The following CBLB variants were observed in gnomAD, a reference collection of about 807,000 sequenced individuals.
CBLB encodes Cbl proto-oncogene B, also known as E3 ubiquitin-protein ligase CBL-B.
Under a neutral mutation model 104.9 loss-of-function variants are expected in CBLB, and 31 were observed. That is an observed-to-expected ratio of 0.30 (90% confidence interval 0.22 to 0.40). The LOEUF is 0.40. CBLB is among the 10% of genes least tolerant of loss of function. CBLB has a pLI of 1.00. For synonymous variants in CBLB, 440 were observed against 422.6 expected (o/e 1.04, Z -0.51); for missense variants, 1,062 against 1,214.6 (o/e 0.87, Z 1.87).
intron 9 of CBLB, among the ~76,000 whole-genome samples, chr3:105,722,177 T>A (rs1291491141): frequency 1.7e-5 from 2 of 118,168 alleles, no homozygotes; most frequent in African/African-American, 3.4e-5. Context: ...TCAGCCTAGG[T>A]GTAAGGGTAA....
At chr3:105,670,562 G>C in intron 17 of CBLB, 1 of 537,472 alleles carries the variant, frequency 1.9e-6, no homozygotes, top group Non-Finnish European at 3.3e-6. Flanking sequence ...TTTATTTCCA[G>C]ATAATAAAGA....
At chr3:105,739,033 G>T in intron 7 of CBLB, among the ~76,000 whole-genome samples, 1 of 152,036 alleles carries the variant, frequency 6.6e-6, no homozygotes, top group East Asian at 1.9e-4. Flanking sequence ...TTAGCCTCCA[G>T]AGTAGCGAGG....
chr3:105,810,943 T>C (rs2084209922), intron 3 of CBLB, among the ~76,000 whole-genome samples: 1 of 152,140 alleles, frequency 6.6e-6, no homozygotes, highest in Non-Finnish European at 1.5e-5. Context: ...TTATAATATG[T>C]ACAGTATAGA....
chr3:105,724,377 G>A (rs1404818971), intron 9 of CBLB, among the ~76,000 whole-genome samples: 1 of 152,088 alleles, frequency 6.6e-6, no homozygotes, highest in Non-Finnish European at 1.5e-5. Flanking sequence ...ATCAGAAAAG[G>A]AGCACAGACA....
chr3:105,801,525 A>AG (rs2082863249), intron 3 of CBLB, among the ~76,000 whole-genome samples: 1 of 152,214 alleles, frequency 6.6e-6, no homozygotes, highest in African/African-American at 2.4e-5. Flanking sequence ...AGGTCTGAAC[A>AG]ATTTTTTCAT....
intron 4 of CBLB, among the ~76,000 whole-genome samples, chr3:105,760,731 C>T (rs2077538990): frequency 6.6e-6 from 1 of 151,732 alleles, no homozygotes; most frequent in African/African-American, 2.4e-5. Flanking sequence ...TAAACTGAGG[C>T]AAAAAATAAA....
chr3:105,843,056 T>C (rs893832062), intron 3 of CBLB, among the ~76,000 whole-genome samples: 1 of 152,214 alleles, frequency 6.6e-6, no homozygotes, highest in African/African-American at 2.4e-5. Context: ...AATACAGCCA[T>C]GTCAATTAAT....
Position 105,802,500 on chromosome 3 carries a change from G to C in CBLB, c.420-25958C>G, listed in dbSNP as rs567195225. On this transcript the variant is annotated intron_variant, in intron 3 of 18. Transcript: ENST00000394030. ...TTGCATGGGTGCCAAAGATCAGACT[G>C]GAAGTCCCATACACTAATGTTCACA... 7.4e-4 allele frequency among the ~76,000 whole-genome samples: 113 copies of C among 152,332 alleles called. 1 individual carries two copies. The highest frequency in any genetic ancestry group is 2.6e-3 in the African/African-American group (108 of 41,570).
chr3:105,739,475 G>T (rs2075302698), intron 7 of CBLB, among the ~76,000 whole-genome samples: 2 of 152,100 alleles, frequency 1.3e-5, no homozygotes, highest in Admixed American at 1.3e-4. Flanking sequence ...AGAATACAAG[G>T]AGAGGACAAA....
At chr3:105,759,447 C>A (rs1428178066) in intron 4 of CBLB, among the ~76,000 whole-genome samples, 1 of 152,220 alleles carries the variant, frequency 6.6e-6, no homozygotes, top group African/African-American at 2.4e-5. Flanking sequence ...GCCTGTCTGC[C>A]TCCTGCTGCC....
intron 3 of CBLB, among the ~76,000 whole-genome samples, chr3:105,786,066 G>C (rs995806390): frequency 6.9e-6 from 1 of 145,662 alleles, no homozygotes; most frequent in Admixed American, 6.9e-5. Flanking sequence ...AGGATCGGGG[G>C]GGGGAAAGTG....
chr3:105,821,123 G>A (rs2153057349), intron 3 of CBLB, among the ~76,000 whole-genome samples: 1 of 152,136 alleles, frequency 6.6e-6, no homozygotes, highest in Non-Finnish European at 1.5e-5. Context: ...AAATTTATAG[G>A]ATGAAGAAAA....
intron 3 of CBLB, among the ~76,000 whole-genome samples, chr3:105,835,589 C>A (rs1376762781): frequency 6.6e-6 from 1 of 152,176 alleles, no homozygotes; most frequent in Admixed American, 6.5e-5. Context: ...AAAAATACAA[C>A]CTACTAGCTC....
At chr3:105,832,205 G>A (rs1425128330) in intron 3 of CBLB, among the ~76,000 whole-genome samples, 2 of 152,010 alleles carry the variant, frequency 1.3e-5, no homozygotes, top group African/African-American at 4.8e-5. Context: ...ATACAACTAA[G>A]AAACTACCCC....
At chr3:105,768,473 T>C (rs1181838656) in intron 4 of CBLB, among the ~76,000 whole-genome samples, 2 of 152,212 alleles carry the variant, frequency 1.3e-5, no homozygotes, top group Admixed American at 6.5e-5. Flanking sequence ...CCTATACTCA[T>C]ACATTCAACT....
At chr3:105,858,487 T>G (rs905274414) in intron 2 of CBLB, among the ~76,000 whole-genome samples, 1 of 152,226 alleles carries the variant, frequency 6.6e-6, no homozygotes, top group Non-Finnish European at 1.5e-5. Context: ...ATACCTAAAT[T>G]GCTTCCTAGA....
At chr3:105,848,638 T>C (rs996286364) in intron 3 of CBLB, among the ~76,000 whole-genome samples, 5 of 152,104 alleles carry the variant, frequency 3.3e-5, no homozygotes, top group Non-Finnish European at 7.4e-5. Context: ...CATTAAAATA[T>C]GCATTTTGAT....
At chr3:105,783,956 T>G (rs910867580) in intron 3 of CBLB, among the ~76,000 whole-genome samples, 1 of 152,224 alleles carries the variant, frequency 6.6e-6, no homozygotes, top group Non-Finnish European at 1.5e-5. Context: ...CCCAAATGAT[T>G]TTTTTAATGT....
Position 105,759,246 on chromosome 3 carries a change from G to A in CBLB, c.567-7628C>T, listed in dbSNP as rs78181524. Among the ~76,000 whole-genome samples the A allele has an allele frequency of 6.1e-3, 936 of 152,246 alleles. 30 individuals carry two copies. Among genetic ancestry groups the A allele is most frequent in the East Asian group, 0.05 (258 of 5,158 alleles). ...TGTCTGTGTGAGTCTGGCTGGGTCT[G>A]GAGTTTTTCATGGGCTCAGAAGGAA... On this transcript the variant is annotated intron_variant, in intron 4 of 18. Coordinates refer to ENST00000394030, the MANE Select transcript of CBLB (RefSeq NM_170662.5).
Sources: gnomAD v4.1 joint callset for allele counts (sites outside exome capture counted in the v4.1 genomes callset) on GRCh38, gnomAD v4.1.1 for gene constraint, MANE v1.5 for transcripts, NCBI Gene and HGNC (gene_info 2026-07-23, HGNC 2026-07-21) for gene names.